Variants in CC2D2A observed in about 807,000 individuals in gnomAD.
CC2D2A encodes coiled-coil and C2 domain-containing protein 2A.
CC2D2A carries 155 observed loss-of-function variants against 212.9 expected under a neutral mutation model. The ratio of observed to expected loss-of-function variants is 0.73; its 90% CI spans 0.64 to 0.83. CC2D2A has a LOEUF of 0.83. Among genes scored for constraint, CC2D2A ranks in the 40% least tolerant of loss-of-function variants. The probability of loss-of-function intolerance (pLI) is 0.00; values close to 1 mark genes in which losing one functional copy is unlikely to be tolerated. For missense variants in CC2D2A, 1,856 were observed against 1,956.2 expected, an observed-to-expected ratio of 0.95 and a Z score of 0.97; for synonymous variants, 667 against 686.5, an observed-to-expected ratio of 0.97 and a Z score of 0.44.
chr4:15,479,316 A>C, intron 3 of CC2D2A: 1 of 1,536,844 alleles, frequency 6.5e-7, no homozygotes, highest in Non-Finnish European at 8.7e-7. Flanking sequence ...CGTGCAGGGT[A>C]AATCTTTTCA....
chr4:15,589,598 T>A lies in CC2D2A; in HGVS notation c.4233T>A (p.Asn1411Lys), dbSNP rs1721000269. 6.2e-7 allele frequency: 1 copy of A among 1,612,944 alleles called. No homozygotes were observed. The highest frequency in any genetic ancestry group is 1.3e-5 in the African/African-American group (1 of 74,998). Residue 1411 changes from asparagine (N) to lysine (K), a missense_variant, in exon 33 of 37, where the codon AAT becomes AAA. By Grantham distance (94) the Asn-to-Lys change is moderately conservative. This residue lies in a region of CC2D2A where 285 missense variants were observed against 278.4 expected (regional missense o/e 1.02). Transcript: ENST00000424120. ...AGCAAGGTCGTTATTTAATATGGAA[T>A]CCCTGCAGTGGACATTTTTATGGAC... ...TWEQGRYLIW[N>K]PCSGHFYGQF... is the part of the protein sequence containing the mutation.
At chr4:15,475,654 G>A (rs573358891) in intron 1 of CC2D2A, among the ~76,000 whole-genome samples, 1 of 152,262 alleles carries the variant, frequency 6.6e-6, no homozygotes, top group South Asian at 2.1e-4. Flanking sequence ...TCCTTCTGGA[G>A]CTGGATTCCA....
In CC2D2A at chr4:15,545,042, G is replaced by A. The variant is rs1470548551; in HGVS notation, c.2181+4028G>A. On this transcript the variant is annotated intron_variant, in intron 17 of 36. Coordinates refer to ENST00000424120, the MANE Select transcript of CC2D2A (RefSeq NM_001378615.1). Reference sequence around the variant, plus strand: ...AACTGCCCAACTCTCATACCACAATGGCATAATGGCATAGTTTTTTAAGAC... The same window carrying A: ...AACTGCCCAACTCTCATACCACAATAGCATAATGGCATAGTTTTTTAAGAC... Among the ~76,000 whole-genome samples, 6 of 152,200 alleles carry A rather than the reference G, an allele frequency of 3.9e-5. No homozygotes were observed. In the East Asian group the frequency reaches 1.2e-3, roughly 29 times the overall value.
Position 15,469,971 on chromosome 4 carries a change from C to A in CC2D2A, c.-105C>A, listed in dbSNP as rs1414588476. 1 of 152,218 alleles carries A rather than the reference C, an allele frequency of 6.6e-6. No individual in the cohort carries two copies. The allele number at this position is 152,218 out of a possible 1,614,324, so 9.4% of individuals were successfully genotyped here. On this transcript the variant is annotated 5_prime_UTR_variant, in exon 1 of 37. Transcript: ENST00000424120. ...AACACTCAGCCTTTCCCTCCGGACC[C>A]TTTTAAAAGATTCAACAGCACCGTC...
chr4:15,601,303 A>G lies in CC2D2A; in HGVS notation c.4741A>G (p.Thr1581Ala), dbSNP rs863225174. 11 of 1,612,194 alleles carry G rather than the reference A, an allele frequency of 6.8e-6. No homozygotes were observed. Among genetic ancestry groups the G allele is most frequent in the Non-Finnish European group, 9.3e-6 (11 of 1,178,860 alleles). ...GCCTTTAATTGACGCTGTGTATAGT[A>G]CTGGAGTACATAATATTGATGTTCC... ...VKPLIDAVYS[T>A]GVHNIDVPNV... Residue 1581 changes from threonine (T) to alanine (A), a missense_variant, in exon 37 of 37, where the codon ACT becomes GCT. Around this residue, in one of 5 missense-constraint regions of CC2D2A, gnomAD observed 285 missense variants for 278.4 expected, o/e 1.02. Coordinates refer to ENST00000424120, the MANE Select transcript of CC2D2A (RefSeq NM_001378615.1).
At position 15,540,909 on chromosome 4, in the gene CC2D2A, G is replaced by T; in HGVS notation, c.2076G>T (p.Glu692Asp). 6.3e-7 allele frequency: 1 copy of T among 1,587,296 alleles called. No homozygotes were observed. The highest frequency in any genetic ancestry group is 8.6e-7 in the Non-Finnish European group (1 of 1,166,528). ...VYLKVLFNNK[E>D]VSRTVSRPLG... is the part of the protein sequence containing the mutation. The stretch of plus-strand genomic sequence containing the variant: ...TAAAAGTGCTGTTCAACAACAAGGA[G>T]GTGTCCAGGACAGTCAGTCGGCCAC... The change falls in exon 17 of 37, where the codon GAG becomes GAT. Residue 692 changes from glutamate to aspartate, a missense_variant. By Grantham distance (45) the Glu-to-Asp change is conservative. This residue lies in a region of CC2D2A where 1,512 missense variants were observed against 1,579.3 expected (regional missense o/e 0.96). Transcript: ENST00000424120.
intron 28 of CC2D2A, among the ~76,000 whole-genome samples, chr4:15,572,099 T>G (rs1185172302): frequency 6.6e-6 from 1 of 152,194 alleles, no homozygotes; most frequent in Non-Finnish European, 1.5e-5. Flanking sequence ...ACATAACAAG[T>G]AGAAACCTGA....
intron 24 of CC2D2A, chr4:15,563,964 T>G (rs950803803): frequency 1.8e-5 from 3 of 165,742 alleles, no homozygotes; most frequent in African/African-American, 7.2e-5. Flanking sequence ...TAATCGCCGA[T>G]AGCCAGAGAG....
chr4:15,499,578 A>G (rs909992643), intron 4 of CC2D2A, among the ~76,000 whole-genome samples: 1 of 152,238 alleles, frequency 6.6e-6, no homozygotes, highest in Admixed American at 6.5e-5. Context: ...TGTTTAATAA[A>G]ATATCTTGTC....
chr4:15,590,108 A>C (rs1477414263), intron 33 of CC2D2A, among the ~76,000 whole-genome samples: 1 of 152,278 alleles, frequency 6.6e-6, no homozygotes, highest in East Asian at 1.9e-4. Context: ...TTTTCAAAGG[A>C]GATTCCCAGG....
intron 5 of CC2D2A, 125 bp downstream of exon 5, chr4:15,502,642 A>G: frequency 9.6e-7 from 1 of 1,039,072 alleles, no homozygotes; most frequent in Non-Finnish European, 1.4e-6. Context: ...TTCAAGTTTT[A>G]AATGTTAATG....
At chr4:15,590,452 T>A (rs1219755701) in intron 33 of CC2D2A, among the ~76,000 whole-genome samples, 3 of 152,026 alleles carry the variant, frequency 2.0e-5, no homozygotes, top group African/African-American at 7.2e-5. Context: ...GAGGCAGAGG[T>A]TGCAACGAGC....
intron 3 of CC2D2A, among the ~76,000 whole-genome samples, chr4:15,480,146 A>AGTG (rs1455021151): frequency 2.0e-5 from 3 of 152,254 alleles, no homozygotes; most frequent in African/African-American, 7.2e-5. Flanking sequence ...ATAAGAAAGC[A>AGTG]GTGTACAAGG....
intron 4 of CC2D2A, among the ~76,000 whole-genome samples, chr4:15,487,233 G>A (rs1238291471): frequency 6.6e-6 from 1 of 152,004 alleles, no homozygotes; most frequent in Non-Finnish European, 1.5e-5. Context: ...AATGCTGAAC[G>A]GGAGTATTAA....
intron 28 of CC2D2A, 124 bp downstream of exon 28, chr4:15,570,620 C>G (rs1257834084): frequency 3.5e-6 from 2 of 577,544 alleles, no homozygotes; most frequent in African/African-American, 3.7e-5. Flanking sequence ...TTTGGGAGGC[C>G]AAGGAGGGCA....
At chr4:15,563,250 T>C in intron 23 of CC2D2A, 105 bp from the exon 24 acceptor site, 1 of 1,124,260 alleles carries the variant, frequency 8.9e-7, no homozygotes. Flanking sequence ...CAAGGAGTTT[T>C]TCAGGGGCGT....
At chr4:15,474,803 AT>A (rs1260876728) in intron 1 of CC2D2A, among the ~76,000 whole-genome samples, 1 of 152,212 alleles carries the variant, frequency 6.6e-6, no homozygotes, top group African/African-American at 2.4e-5. Context: ...CCGAGAACTG[AT>A]CACTGGACAT....
intron 11 of CC2D2A, among the ~76,000 whole-genome samples, chr4:15,526,112 C>G (rs902812967): frequency 2.0e-5 from 3 of 152,224 alleles, no homozygotes; most frequent in African/African-American, 7.2e-5. Context: ...CTACCTCCCT[C>G]TGCACATCCC....
At chr4:15,570,573 G>T in intron 28 of CC2D2A, 77 bp downstream of exon 28, 1 of 993,218 alleles carries the variant, frequency 1.0e-6, no homozygotes, top group Non-Finnish European at 1.5e-6. Flanking sequence ...GTTCTTTGTG[G>T]GCCAGGCGCG....
Sources: allele counts gnomAD v4.1 joint callset (sites outside exome capture counted in the v4.1 genomes callset), GRCh38; gene constraint gnomAD v4.1.1; regional missense constraint gnomAD v4.1.1; transcripts MANE v1.5; gene names NCBI Gene and HGNC (gene_info 2026-07-23, HGNC 2026-07-21).